The following ANO3 variants were observed in gnomAD, a reference collection of about 807,000 sequenced individuals.
The protein encoded by ANO3 is anoctamin-3.
In ANO3, 99 loss-of-function variants were observed where a neutral mutation model predicts 144.8. The observed-to-expected ratio is 0.68, with a 90% CI of 0.58 to 0.81. The LOEUF is 0.81. Among genes scored for constraint, ANO3 ranks in the 30% least tolerant of loss-of-function variants. ANO3 has a pLI of 0.00. For missense variants in ANO3, 905 were observed against 1,202.2 expected (o/e 0.75, Z 3.66); for synonymous variants, 414 against 392.6 (o/e 1.05, Z -0.64).
At chr11:26,644,396 A>C (rs915203788) in intron 23 of ANO3, among the ~76,000 whole-genome samples, 3 of 152,152 alleles carry the variant, frequency 2.0e-5, no homozygotes, top group African/African-American at 7.2e-5. Flanking sequence ...TTGCTTCAGT[A>C]CTTTGCTATT....
chr11:26,236,254 T>C (rs1852519430), intron 1 of ANO3, among the ~76,000 whole-genome samples: 1 of 152,164 alleles, frequency 6.6e-6, no homozygotes, highest in African/African-American at 2.4e-5. Context: ...TAGAGATAAA[T>C]TCCTAGAACT....
chr11:26,204,368 A>G (rs1279720383), intron 1 of ANO3, among the ~76,000 whole-genome samples: 2 of 152,126 alleles, frequency 1.3e-5, no homozygotes, highest in Admixed American at 6.6e-5. Context: ...TAGAAGGGCA[A>G]GGAGCTAAGT....
chr11:26,249,759 C>T (rs1408929705), intron 1 of ANO3, among the ~76,000 whole-genome samples: 2 of 151,476 alleles, frequency 1.3e-5, no homozygotes, highest in East Asian at 1.9e-4. Context: ...CTAAGCTAAA[C>T]TCTGCTGAAA....
intron 4 of ANO3, among the ~76,000 whole-genome samples, chr11:26,487,317 C>T (rs1232629000): frequency 1.3e-5 from 2 of 152,146 alleles, no homozygotes; most frequent in Non-Finnish European, 2.9e-5. Context: ...TCTCTTGCTG[C>T]TGTCATGTAA....
At chr11:26,455,697 T>A (rs939590145) in intron 3 of ANO3, among the ~76,000 whole-genome samples, 1 of 147,584 alleles carries the variant, frequency 6.8e-6, no homozygotes, top group African/African-American at 2.4e-5. Context: ...ACCAATGACT[T>A]TCTTCACAGA....
intron 6 of ANO3, among the ~76,000 whole-genome samples, chr11:26,522,282 A>C (rs1862114363): frequency 6.6e-6 from 1 of 152,168 alleles, no homozygotes; most frequent in Admixed American, 6.5e-5. Flanking sequence ...CTTTTTATGC[A>C]AAAATAATAT....
chr11:26,277,090 T>G (rs1404000793), intron 1 of ANO3, among the ~76,000 whole-genome samples: 1 of 152,100 alleles, frequency 6.6e-6, no homozygotes, highest in Non-Finnish European at 1.5e-5. Flanking sequence ...GCAGGGGTAA[T>G]TTAAGTCAGA....
chr11:26,435,695 T>C (rs894697349), intron 1 of ANO3, among the ~76,000 whole-genome samples: 1 of 152,232 alleles, frequency 6.6e-6, no homozygotes, highest in Non-Finnish European at 1.5e-5. Flanking sequence ...TAATACTTGC[T>C]GCTGCATTGT....
intron 1 of ANO3, among the ~76,000 whole-genome samples, chr11:26,230,231 A>G (rs1328099594): frequency 6.6e-6 from 1 of 152,200 alleles, no homozygotes; most frequent in Non-Finnish European, 1.5e-5. Flanking sequence ...GAGGAAATGG[A>G]CATGAAATAG....
chr11:26,566,822 T>A (rs561100212), intron 14 of ANO3, among the ~76,000 whole-genome samples: 4 of 151,862 alleles, frequency 2.6e-5, no homozygotes, highest in East Asian at 1.9e-4. Flanking sequence ...AAATAACTCA[T>A]GAAAAATAAT....
At chr11:26,329,553 C>T (rs1382401863), upstream of ANO3, among the ~76,000 whole-genome samples, 1 of 152,150 alleles carries the variant, frequency 6.6e-6, no homozygotes, top group Non-Finnish European at 1.5e-5. Flanking sequence ...AACTTTATGA[C>T]AAGATAGTTT....
chr11:26,318,806 C>T (rs181094254), intron 1 of ANO3, among the ~76,000 whole-genome samples: 178 of 152,176 alleles, frequency 1.2e-3, no homozygotes, highest in Non-Finnish European at 1.8e-3. Context: ...GTTGAGGGTT[C>T]CTACTGAGGA....
At chr11:26,421,009 T>G (rs1168804733) in intron 1 of ANO3, among the ~76,000 whole-genome samples, 1 of 152,044 alleles carries the variant, frequency 6.6e-6, no homozygotes, top group Non-Finnish European at 1.5e-5. Context: ...CTGGTTTGTT[T>G]CAGGTTCTAA....
At chr11:26,365,975 TATATATATATATATATATA>T (rs1234868755) in intron 1 of ANO3, among the ~76,000 whole-genome samples, 7,298 of 87,482 alleles carry the variant, frequency 0.083, 341 homozygotes, top group East Asian at 0.18. Context: ...TATATATATA[TATATATATATATATATATA>T]TATATATATT....
intron 14 of ANO3, among the ~76,000 whole-genome samples, chr11:26,596,644 AG>A (rs1163596130): frequency 1.3e-5 from 2 of 152,182 alleles, no homozygotes; most frequent in Non-Finnish European, 2.9e-5. Context: ...TGGGAACGGA[AG>A]TGAAAGTCTG....
upstream of ANO3, among the ~76,000 whole-genome samples, chr11:26,308,632 GAAAAC>G (rs1854437679): frequency 6.6e-6 from 1 of 152,070 alleles, no homozygotes; most frequent in Non-Finnish European, 1.5e-5. Context: ...ATATTAAAAT[GAAAAC>G]AAAACCTTGT....
intron 11 of ANO3, among the ~76,000 whole-genome samples, chr11:26,546,440 A>T (rs1849790377): frequency 6.6e-6 from 1 of 151,994 alleles, no homozygotes; most frequent in African/African-American, 2.4e-5. Context: ...AGGAAATATG[A>T]CAAGAGAATC....
intron 1 of ANO3, among the ~76,000 whole-genome samples, chr11:26,409,573 C>T (rs527291089): frequency 2.0e-5 from 3 of 151,884 alleles, no homozygotes; most frequent in African/African-American, 4.8e-5. Context: ...CATGTCAGTA[C>T]ACTAAATTTA....
intron 19 of ANO3, among the ~76,000 whole-genome samples, chr11:26,634,713 A>G (rs542799404): frequency 1.3e-5 from 2 of 152,360 alleles, no homozygotes; most frequent in African/African-American, 4.8e-5. Context: ...GGATCAAACA[A>G]TGCAGCACAT....
Sources: allele counts gnomAD v4.1 joint callset (sites outside exome capture counted in the v4.1 genomes callset), GRCh38; gene constraint gnomAD v4.1.1; transcripts MANE v1.5; gene names NCBI Gene and HGNC (gene_info 2026-07-23, HGNC 2026-07-21).